The following LRRIQ3 variants were observed in gnomAD, a reference collection of about 807,000 sequenced individuals.
LRRIQ3 encodes leucine-rich repeat and IQ domain-containing protein 3.
Under a neutral mutation model 59.3 loss-of-function variants are expected in LRRIQ3, and 75 were observed. The observed-to-expected ratio is 1.26, with a 90% CI of 1.05 to 1.53. LRRIQ3 has a LOEUF of 1.53. Among genes scored for constraint, LRRIQ3 ranks in the 40% most tolerant of loss-of-function variants. LRRIQ3 has a pLI of 0.00. For synonymous variants in LRRIQ3, 250 were observed against 231.3 expected, an observed-to-expected ratio of 1.08 and a Z score of -0.73; for missense variants, 831 against 710.0, an observed-to-expected ratio of 1.17 and a Z score of -1.94.
intron 3 of LRRIQ3, among the ~76,000 whole-genome samples, chr1:74,157,634 A>C (rs1352753088): frequency 3.3e-5 from 5 of 151,920 alleles, no homozygotes; most frequent in Admixed American, 2.6e-4. Flanking sequence ...TTAACATTGG[A>C]CATTCCCTCC....
intron 4 of LRRIQ3, among the ~76,000 whole-genome samples, chr1:74,141,095 A>G (rs1647234845): frequency 6.6e-6 from 1 of 151,760 alleles, no homozygotes; most frequent in Non-Finnish European, 1.5e-5. Context: ...TTGAACTATT[A>G]TCTTCTTATG....
intron 6 of LRRIQ3, among the ~76,000 whole-genome samples, chr1:74,047,815 T>C (rs1209773963): frequency 6.6e-6 from 1 of 152,040 alleles, no homozygotes; most frequent in African/African-American, 2.4e-5. Context: ...ACAGCCCAAA[T>C]AGAGCCCCAA....
chr1:74,173,132 C>A (rs759865169), intron 3 of LRRIQ3, among the ~76,000 whole-genome samples: 1 of 152,014 alleles, frequency 6.6e-6, no homozygotes, highest in East Asian at 1.9e-4. Flanking sequence ...GCCGTCTCTA[C>A]TAAAAATACA....
chr1:74,195,633 T>A (rs924981085), intron 1 of LRRIQ3, among the ~76,000 whole-genome samples: 1 of 152,180 alleles, frequency 6.6e-6, no homozygotes, highest in South Asian at 2.1e-4. Context: ...AAAGCCCAAA[T>A]GCCTCCACAG....
chr1:74,093,783 A>T (rs936992462), intron 5 of LRRIQ3, among the ~76,000 whole-genome samples: 3 of 152,010 alleles, frequency 2.0e-5, no homozygotes, highest in Admixed American at 6.6e-5. Flanking sequence ...AAGAGACAAA[A>T]TCCATTGCCA....
At chr1:74,114,070 A>G (rs758889477) in intron 4 of LRRIQ3, among the ~76,000 whole-genome samples, 19 of 151,804 alleles carry the variant, frequency 1.3e-4, no homozygotes, top group Non-Finnish European at 2.4e-4. Context: ...GATCTATAAC[A>G]TATAGAAACA....
chr1:74,045,341 A>G (rs1470003454), intron 6 of LRRIQ3, among the ~76,000 whole-genome samples: 1 of 152,188 alleles, frequency 6.6e-6, no homozygotes. Flanking sequence ...TAGCACATAA[A>G]CGGAACCAGT....
chr1:74,121,521 G>T (rs547652978), intron 4 of LRRIQ3, among the ~76,000 whole-genome samples: 1 of 151,920 alleles, frequency 6.6e-6, no homozygotes, highest in African/African-American at 2.4e-5. Context: ...AGTTTTGTAG[G>T]CTAGTCATCT....
intron 5 of LRRIQ3, among the ~76,000 whole-genome samples, chr1:74,085,519 A>G (rs953380019): frequency 3.9e-5 from 6 of 151,928 alleles, no homozygotes; most frequent in African/African-American, 1.4e-4. Flanking sequence ...ACTAAAAGAG[A>G]ATGAATCTTC....
At chr1:74,050,524 A>AC (rs1247910915) in intron 6 of LRRIQ3, 10 of 985,318 alleles carry the variant, frequency 1.0e-5, no homozygotes, top group Non-Finnish European at 1.2e-5. Flanking sequence ...TTTGTGGTCA[A>AC]CAGAGCTTGT....
At chr1:74,119,614 G>A (rs1646824380) in intron 4 of LRRIQ3, among the ~76,000 whole-genome samples, 1 of 152,016 alleles carries the variant, frequency 6.6e-6, no homozygotes, top group Admixed American at 6.6e-5. Context: ...GTTTATGGGT[G>A]TACAGTAAGA....
chr1:74,059,337 C>T (rs1654632285), intron 6 of LRRIQ3, among the ~76,000 whole-genome samples: 2 of 145,738 alleles, frequency 1.4e-5, no homozygotes, highest in African/African-American at 5.6e-5. Context: ...CAAAGGTTTA[C>T]TCCCATCTTC....
intron 7 of LRRIQ3, among the ~76,000 whole-genome samples, chr1:74,033,606 C>T (rs1208847819): frequency 4.0e-5 from 6 of 151,858 alleles, no homozygotes; most frequent in East Asian, 3.9e-4. Context: ...TATTAACGTC[C>T]GGTAGGATAA....
chr1:74,182,789 C>T lies in LRRIQ3; in HGVS notation c.322G>A (p.Gly108Arg), dbSNP rs1404153997. ...CATATATTCTTTAACTTTGCAAACC[C>T]ATTGTCATGAAGATAGAGTAGTTTT... ...NLKLLYLHDNGFAKLKNICVL... is the reference protein window; with the variant it reads ...NLKLLYLHDNRFAKLKNICVL... The change falls in exon 3 of 8, where the codon GGG (glycine) becomes AGG (arginine). Residue 108 changes from glycine to arginine, a missense_variant. Transcript: ENST00000354431. 1 of 1,609,562 alleles carries T rather than the reference C, an allele frequency of 6.2e-7. No individual in the cohort carries two copies. The highest frequency in any genetic ancestry group is 1.3e-5 in the African/African-American group (1 of 74,772).
chr1:74,091,448 T>G (rs1178187635), intron 5 of LRRIQ3, among the ~76,000 whole-genome samples: 1 of 152,138 alleles, frequency 6.6e-6, no homozygotes, highest in Non-Finnish European at 1.5e-5. Context: ...CTCTGCTTAT[T>G]ATTTTTCAAT....
chr1:74,082,621 T>C (rs991064240), intron 5 of LRRIQ3: 1 of 151,616 alleles, frequency 6.6e-6, no homozygotes, highest in Non-Finnish European at 1.5e-5. Context: ...CTGATTAGTT[T>C]GCTCTTACTT....
At chr1:74,187,516 A>G (rs755330744) in intron 1 of LRRIQ3, among the ~76,000 whole-genome samples, 26 of 152,082 alleles carry the variant, frequency 1.7e-4, no homozygotes, top group Non-Finnish European at 3.1e-4. Context: ...GTTCTCACAT[A>G]TAAGTGTGAG....
Position 74,049,916 on chromosome 1 carries a change from C to CTT in LRRIQ3, c.998-7985_998-7984dup, listed in dbSNP as rs71242762. The stretch of plus-strand genomic sequence containing the variant: ...ACTGAGGAAAATGACACCTTTGTGT[C>CTT]TTTTTTTTCTTTTTTTTTTTTTTTT... On this transcript the variant is annotated intron_variant, in intron 6 of 7. Coordinates refer to ENST00000354431, the MANE Select transcript of LRRIQ3 (RefSeq NM_001105659.2). Among the ~76,000 whole-genome samples the CTT allele has an allele frequency of 1.9e-3, 267 of 142,796 alleles. 1 individual carries two copies. Among genetic ancestry groups the CTT allele is most frequent in the African/African-American group, 6.3e-3 (244 of 38,476 alleles). 93.7% of individuals were successfully genotyped at this position (142,796 alleles called of 152,430 possible). A position where few individuals can be genotyped will look rare whatever the true frequency, so the allele number is the denominator to read the frequency against.
chr1:74,079,773 A>G (rs1646252813), intron 5 of LRRIQ3, among the ~76,000 whole-genome samples: 1 of 151,840 alleles, frequency 6.6e-6, no homozygotes, highest in Non-Finnish European at 1.5e-5. Context: ...TAGAAACTTC[A>G]GTTCAATATG....
Sources: allele counts gnomAD v4.1 joint callset (sites outside exome capture counted in the v4.1 genomes callset), GRCh38; gene constraint gnomAD v4.1.1; transcripts MANE v1.5; gene names NCBI Gene and HGNC (gene_info 2026-07-23, HGNC 2026-07-21).